FAM13A: variants seen among roughly 807,000 people sequenced by gnomAD.
FAM13A encodes family with sequence similarity 13 member A.
A neutral mutation model predicts 129.6 loss-of-function variants in FAM13A; 76 were observed. The ratio of observed to expected loss-of-function variants is 0.59; its 90% CI spans 0.49 to 0.71. FAM13A has a LOEUF of 0.71. FAM13A is among the 30% of genes least tolerant of loss of function. The pLI is 0.00. For synonymous variants in FAM13A, 443 were observed against 449.9 expected (o/e 0.98, Z 0.20); for missense variants, 1,108 against 1,249.3 (o/e 0.89, Z 1.70).
At chr4:88,825,359 G>A (rs540871911) in intron 7 of FAM13A, among the ~76,000 whole-genome samples, 8 of 151,924 alleles carry the variant, frequency 5.3e-5, no homozygotes, top group South Asian at 2.1e-4. Flanking sequence ...GGGATTACAG[G>A]TGCTCGCCAC....
At chr4:88,973,295 T>G (rs2704577) in intron 4 of FAM13A, among the ~76,000 whole-genome samples, 1 of 151,840 alleles carries the variant, frequency 6.6e-6, no homozygotes, top group Admixed American at 6.6e-5. Flanking sequence ...GTATGTTATA[T>G]CTTTTACAAT....
Position 88,728,676 on chromosome 4 carries a change from A to G in FAM13A, c.2946-17T>C. The G allele has an allele frequency of 1.2e-6, 2 of 1,613,216 alleles. No individual in the cohort carries two copies. Among genetic ancestry groups the G allele is most frequent in the Non-Finnish European group, 1.7e-6 (2 of 1,179,250 alleles). On this transcript the variant is annotated splice_polypyrimidine_tract_variant and intron_variant, in intron 23 of 23. Transcript: ENST00000264344. ...TGGACATTTCTAATGCAAATAAAGGAAAAAGGGGTCTGAGGATCATTTTCT... is the reference window on the plus strand; with the variant it reads ...TGGACATTTCTAATGCAAATAAAGGGAAAAGGGGTCTGAGGATCATTTTCT...
chr4:88,806,989 A>C (rs969164568), intron 7 of FAM13A, among the ~76,000 whole-genome samples: 12 of 152,178 alleles, frequency 7.9e-5, no homozygotes, highest in Non-Finnish European at 1.2e-4. Flanking sequence ...ATGCCAAACA[A>C]ACAAAAAAAC....
chr4:88,921,355 G>A (rs901548879), intron 5 of FAM13A, among the ~76,000 whole-genome samples: 5 of 152,128 alleles, frequency 3.3e-5, no homozygotes, highest in East Asian at 3.9e-4. Context: ...CGGATCTCTC[G>A]GCAGAAACTC....
chr4:89,050,685 T>G, intron 1 of FAM13A, among the ~76,000 whole-genome samples: 1 of 151,590 alleles, frequency 6.6e-6, no homozygotes, highest in Admixed American at 6.6e-5. Flanking sequence ...CCTAGCACTT[T>G]GGGAGGCCAA....
At chr4:89,013,044 T>C (rs940809452) in intron 3 of FAM13A, among the ~76,000 whole-genome samples, 53 of 152,188 alleles carry the variant, frequency 3.5e-4, no homozygotes, top group Middle Eastern at 3.4e-3. Context: ...GAATACTGTT[T>C]ACTGGCAAGC....
intron 6 of FAM13A, among the ~76,000 whole-genome samples, chr4:88,864,423 T>C (rs1196188004): frequency 6.6e-6 from 1 of 152,246 alleles, no homozygotes; most frequent in Non-Finnish European, 1.5e-5. Flanking sequence ...TATTTATTTA[T>C]TTTTGAGACA....
chr4:88,897,534 G>C (rs1301539116), intron 6 of FAM13A, among the ~76,000 whole-genome samples: 2 of 152,190 alleles, frequency 1.3e-5, no homozygotes, highest in African/African-American at 2.4e-5. Context: ...AGAGCTAATG[G>C]ACATAAGCCA....
intron 8 of FAM13A, among the ~76,000 whole-genome samples, chr4:88,801,224 CAA>C (rs1347056188): frequency 3.9e-5 from 6 of 152,024 alleles, no homozygotes; most frequent in African/African-American, 1.2e-4. Context: ...TGAATTTAGC[CAA>C]AGTCATTTTT....
chr4:88,915,226 A>C (rs944376690), intron 5 of FAM13A, among the ~76,000 whole-genome samples: 3 of 152,230 alleles, frequency 2.0e-5, no homozygotes, highest in Non-Finnish European at 4.4e-5. Flanking sequence ...TCTGCAATTC[A>C]TCTATATCTC....
chr4:88,890,897 C>G (rs976597078), intron 6 of FAM13A, among the ~76,000 whole-genome samples: 2 of 152,074 alleles, frequency 1.3e-5, no homozygotes, highest in African/African-American at 4.8e-5. Flanking sequence ...TTAAAATAGA[C>G]AATTTCCTAG....
intron 10 of FAM13A, among the ~76,000 whole-genome samples, chr4:88,781,937 A>C (rs917091480): frequency 3.3e-5 from 5 of 151,720 alleles, no homozygotes; most frequent in East Asian, 1.9e-4. Context: ...ACATGTATAC[A>C]TATGTAACAA....
At chr4:89,039,892 G>A (rs1165898440) in intron 1 of FAM13A, among the ~76,000 whole-genome samples, 1 of 151,794 alleles carries the variant, frequency 6.6e-6, no homozygotes, top group Non-Finnish European at 1.5e-5. Context: ...GTTTGAAGCT[G>A]CAGTGAGCTA....
intron 9 of FAM13A, among the ~76,000 whole-genome samples, chr4:88,788,976 T>C (rs761654527): frequency 6.6e-6 from 1 of 152,192 alleles, no homozygotes; most frequent in Non-Finnish European, 1.5e-5. Flanking sequence ...AGAACTTTTA[T>C]AGATAGAACT....
At chr4:88,973,415 C>T (rs1168293656) in intron 4 of FAM13A, among the ~76,000 whole-genome samples, 6 of 152,064 alleles carry the variant, frequency 3.9e-5, no homozygotes, top group African/African-American at 1.4e-4. Context: ...AAATTCTTTC[C>T]TCAGCCATGA....
chr4:88,957,155 A>G (rs1757877420), intron 4 of FAM13A, among the ~76,000 whole-genome samples: 1 of 152,184 alleles, frequency 6.6e-6, no homozygotes, highest in Non-Finnish European at 1.5e-5. Flanking sequence ...GTGAAATGCC[A>G]TCTCTACTGA....
At chr4:89,036,626 C>T (rs2149145437) in intron 1 of FAM13A, among the ~76,000 whole-genome samples, 2 of 152,246 alleles carry the variant, frequency 1.3e-5, no homozygotes, top group Middle Eastern at 6.8e-3. Context: ...TGTTAATAGC[C>T]AAGACAATGG....
At chr4:89,014,799 C>T (rs954140585) in intron 3 of FAM13A, among the ~76,000 whole-genome samples, 8 of 152,074 alleles carry the variant, frequency 5.3e-5, no homozygotes, top group East Asian at 3.9e-4. Context: ...GCGATGACTG[C>T]GTTAACCGCA....
chr4:88,777,594 A>G (rs1722021919), intron 11 of FAM13A, among the ~76,000 whole-genome samples: 1 of 152,188 alleles, frequency 6.6e-6, no homozygotes, highest in Non-Finnish European at 1.5e-5. Flanking sequence ...TCTGCTGGTC[A>G]TGATATCCTC....
Sources: allele counts gnomAD v4.1 joint callset (sites outside exome capture counted in the v4.1 genomes callset), GRCh38; gene constraint gnomAD v4.1.1; transcripts MANE v1.5; gene names NCBI Gene and HGNC (gene_info 2026-07-23, HGNC 2026-07-21).